Variants in ADAM19 observed in about 807,000 individuals in gnomAD.
ADAM19 encodes the protein disintegrin and metalloproteinase domain-containing protein 19.
Under a neutral mutation model 114.7 loss-of-function variants are expected in ADAM19, and 65 were observed. The ratio of observed to expected loss-of-function variants is 0.57; its 90% confidence interval spans 0.46 to 0.70. The LOEUF (loss-of-function observed/expected upper bound fraction) is 0.70, where lower values mean the gene tolerates loss of function less well. ADAM19 is among the 30% of genes least tolerant of loss of function. The pLI, the probability that ADAM19 is intolerant of heterozygous loss-of-function variation, is 0.00. For synonymous variants in ADAM19, 466 were observed against 460.5 expected (o/e 1.01, Z -0.15); for missense variants, 1,063 against 1,204.7 (o/e 0.88, Z 1.74).
rs111735387 is a variant in ADAM19, at chr5:157,513,410, C to T, written c.738+24G>A. 6.9e-4 allele frequency: 1,109 copies of T among 1,612,472 alleles called. 6 individuals carry two copies. In the East Asian group the frequency reaches 8.2e-3, roughly 12 times the overall value. ...AAGTGCTGGCACCTGGCACCTTTCC[C>T]ACAAAGTACACACCTGGTCTCACCT... On this transcript the variant is annotated intron_variant, in intron 8 of 22. Transcript: ENST00000257527.
intron 7 of ADAM19, among the ~76,000 whole-genome samples, chr5:157,515,561 T>C (rs1013150129): frequency 3.3e-5 from 5 of 152,170 alleles, no homozygotes; most frequent in Non-Finnish European, 7.4e-5. Context: ...GCCTGGATAA[T>C]ACAGAAACCA....
At chr5:157,491,098 A>G (rs555938055) in intron 18 of ADAM19, among the ~76,000 whole-genome samples, 2 of 152,022 alleles carry the variant, frequency 1.3e-5, no homozygotes, top group East Asian at 3.9e-4. Context: ...TCCTTGAAAG[A>G]TTTTGGTGCT....
At chr5:157,494,125 A>G (rs1475475495) in intron 15 of ADAM19, among the ~76,000 whole-genome samples, 1 of 152,246 alleles carries the variant, frequency 6.6e-6, no homozygotes, top group Non-Finnish European at 1.5e-5. Flanking sequence ...GTAGATAGAC[A>G]GTAAATCTTC....
At chr5:157,550,955 T>G (rs568818856) in intron 3 of ADAM19, among the ~76,000 whole-genome samples, 1 of 152,340 alleles carries the variant, frequency 6.6e-6, no homozygotes, top group East Asian at 1.9e-4. Context: ...TAAGAGTTAA[T>G]CATGCATACA....
chr5:157,546,329 T>C (rs926842344), intron 3 of ADAM19, among the ~76,000 whole-genome samples: 5 of 152,144 alleles, frequency 3.3e-5, no homozygotes, highest in African/African-American at 4.8e-5. Context: ...TGTGCATGCA[T>C]GTGTGCGTGT....
At position 157,484,645 on chromosome 5, in the gene ADAM19, G is replaced by A. The variant is rs368674216; in HGVS notation, c.2551-2702C>T. Among the ~76,000 whole-genome samples the A allele has an allele frequency of 6.6e-5, 10 of 152,304 alleles. 1 individual carries two copies. The highest frequency in any genetic ancestry group is 6.5e-4 in the Admixed American group (10 of 15,298). ...AAGCTTCATGGAATCAGAAACTAAA[G>A]CAAATTCTTAAGGCCAAAAAGCCAT... is the stretch of plus-strand genomic sequence containing the variant. On this transcript the variant is annotated intron_variant, in intron 21 of 22. Coordinates refer to ENST00000257527, the MANE Select transcript of ADAM19 (RefSeq NM_033274.5).
At chr5:157,522,881 G>T (rs1194486267) in intron 5 of ADAM19, among the ~76,000 whole-genome samples, 1 of 152,196 alleles carries the variant, frequency 6.6e-6, no homozygotes, top group African/African-American at 2.4e-5. Context: ...CTTCTTAGGG[G>T]TGATTGGCCT....
At chr5:157,567,040 G>A (rs896047472) in intron 2 of ADAM19, among the ~76,000 whole-genome samples, 1 of 152,078 alleles carries the variant, frequency 6.6e-6, no homozygotes. Context: ...CCCTTCTAAG[G>A]TTGACCTCAA....
At chr5:157,537,647 A>T (rs1581338113) in intron 4 of ADAM19, among the ~76,000 whole-genome samples, 1 of 152,256 alleles carries the variant, frequency 6.6e-6, no homozygotes, top group East Asian at 1.9e-4. Flanking sequence ...GAACATGTAT[A>T]TTTCACAGTA....
intron 2 of ADAM19, among the ~76,000 whole-genome samples, chr5:157,565,663 T>G (rs1358100563): frequency 6.9e-6 from 1 of 144,310 alleles, no homozygotes; most frequent in Non-Finnish European, 1.5e-5. Context: ...GAGCTGAGAT[T>G]GCGCCACTGC....
At chr5:157,567,657 C>T (rs190907995) in intron 2 of ADAM19, among the ~76,000 whole-genome samples, 2 of 152,254 alleles carry the variant, frequency 1.3e-5, no homozygotes, top group Admixed American at 1.3e-4. Context: ...ATTAGCCAGG[C>T]ATGGTGGCGC....
intron 5 of ADAM19, among the ~76,000 whole-genome samples, chr5:157,521,677 G>A (rs1020077625): frequency 1.2e-4 from 19 of 152,224 alleles, no homozygotes; most frequent in Admixed American, 5.9e-4. Context: ...CCCCTCTGAC[G>A]GACATCTAAG....
intron 4 of ADAM19, among the ~76,000 whole-genome samples, chr5:157,531,353 A>C (rs1423455481): frequency 6.6e-6 from 1 of 152,162 alleles, no homozygotes; most frequent in East Asian, 1.9e-4. Context: ...AGGGTCTTGC[A>C]GATGTAGTTA....
intron 21 of ADAM19, among the ~76,000 whole-genome samples, chr5:157,482,410 A>G (rs980090326): frequency 2.0e-5 from 3 of 152,222 alleles, no homozygotes; most frequent in South Asian, 2.1e-4. Context: ...TAGTTCAATC[A>G]GATCCCATTT....
intron 3 of ADAM19, 68 bp downstream of exon 3, chr5:157,564,305 G>A (rs561917413): frequency 8.9e-6 from 13 of 1,454,220 alleles, no homozygotes; most frequent in South Asian, 5.7e-5. Context: ...CCAGAACAGC[G>A]ACACCTGCGT....
At chr5:157,494,634 G>T in intron 15 of ADAM19, 53 bp downstream of exon 15, 2 of 1,496,270 alleles carry the variant, frequency 1.3e-6, no homozygotes, top group Non-Finnish European at 1.9e-6. Flanking sequence ...TGAGGACAGA[G>T]CAGAAACTGC....
intron 12 of ADAM19, among the ~76,000 whole-genome samples, chr5:157,500,809 C>T (rs1755536572): frequency 6.6e-6 from 1 of 152,140 alleles, no homozygotes; most frequent in African/African-American, 2.4e-5. Flanking sequence ...CCTGAGCGTC[C>T]TCATCACACT....
chr5:157,509,640 C>T (rs1009620473), intron 8 of ADAM19, among the ~76,000 whole-genome samples, 173 bp from the exon 9 acceptor site: 1 of 152,148 alleles, frequency 6.6e-6, no homozygotes, highest in African/African-American at 2.4e-5. Flanking sequence ...AGCACAGATA[C>T]CAGATTTCTC....
At chr5:157,523,412 G>C (rs1175096393) in intron 5 of ADAM19, among the ~76,000 whole-genome samples, 1 of 152,222 alleles carries the variant, frequency 6.6e-6, no homozygotes, top group African/African-American at 2.4e-5. Flanking sequence ...AGGTGTTAGG[G>C]TCATGGGGTG....
Sources: allele counts gnomAD v4.1 joint callset (sites outside exome capture counted in the v4.1 genomes callset), GRCh38; gene constraint gnomAD v4.1.1; transcripts MANE v1.5; gene names NCBI Gene and HGNC (gene_info 2026-07-23, HGNC 2026-07-21).